SLC71A1: variants seen among roughly 807,000 people sequenced by gnomAD.
SLC71A1 encodes the protein hippocampus abundant gene transcript 1.
the SLC71A1 span, among the ~76,000 whole-genome samples, chr1:100,057,217 G>C: frequency 2.6e-5 from 4 of 152,210 alleles, no homozygotes; most frequent in African/African-American, 9.6e-5. Flanking sequence ...TGTGCTTGTG[G>C]AGTATTATCA....
the SLC71A1 span, among the ~76,000 whole-genome samples, chr1:100,060,977 G>C: frequency 2.6e-5 from 4 of 152,058 alleles, no homozygotes; most frequent in Non-Finnish European, 5.9e-5. Flanking sequence ...TCTTCTTCTT[G>C]TAGATGAGAT....
chr1:100,046,837 T>A, the SLC71A1 span, among the ~76,000 whole-genome samples: 1 of 152,246 alleles, frequency 6.6e-6, no homozygotes, highest in Non-Finnish European at 1.5e-5. Context: ...CTGTAGCTAT[T>A]GTAAGTGGGA....
At chr1:100,043,285 T>C in the SLC71A1 span, 1 of 651,060 alleles carries the variant, frequency 1.5e-6, no homozygotes, top group Non-Finnish European at 1.9e-6. Context: ...GGAACTCTGA[T>C]TGTCTTTTAG....
the SLC71A1 span, chr1:100,081,949 C>T: frequency 7.3e-7 from 1 of 1,365,800 alleles, no homozygotes; most frequent in Non-Finnish European, 1.0e-6. Context: ...TGTAGTTTCT[C>T]CTTATGAGTA....
the SLC71A1 span, among the ~76,000 whole-genome samples, chr1:100,041,170 T>C: frequency 7.1e-4 from 108 of 152,360 alleles, 1 homozygote; most frequent in African/African-American, 2.5e-3. Flanking sequence ...TTTGTAGTTT[T>C]CAACGGCTGA....
At chr1:100,042,798 C>T in the SLC71A1 span, among the ~76,000 whole-genome samples, 53 of 151,976 alleles carry the variant, frequency 3.5e-4, no homozygotes, top group African/African-American at 1.2e-3. Context: ...TTAGTAGAGA[C>T]CGGATTTTAC....
At chr1:100,049,804 T>C in the SLC71A1 span, 7 of 639,706 alleles carry the variant, frequency 1.1e-5, no homozygotes, top group Admixed American at 1.1e-4. Flanking sequence ...CCAGTACATA[T>C]ATGATCTTAA....
the SLC71A1 span, chr1:100,038,263 G>A: frequency 5.8e-6 from 9 of 1,560,878 alleles, no homozygotes; most frequent in Admixed American, 3.8e-5. Context: ...GAAACGGGCC[G>A]CGAACCGCAG....
chr1:100,050,968 C>T, the SLC71A1 span, among the ~76,000 whole-genome samples: 1 of 151,792 alleles, frequency 6.6e-6, no homozygotes, highest in Non-Finnish European at 1.5e-5. Flanking sequence ...GTTTGTAGTC[C>T]CAGCTACTCG....
the SLC71A1 span, among the ~76,000 whole-genome samples, chr1:100,081,788 A>T: frequency 6.6e-6 from 1 of 152,228 alleles, no homozygotes. Flanking sequence ...ATATTTTCGC[A>T]TAGGCTGTTT....
At chr1:100,038,125 G>A in the SLC71A1 span, 4 of 959,266 alleles carry the variant, frequency 4.2e-6, no homozygotes, top group Non-Finnish European at 3.2e-6. Context: ...AGATGGCGGC[G>A]GGCGCCCAGA....
the SLC71A1 span, chr1:100,038,365 T>G: frequency 6.8e-7 from 1 of 1,471,516 alleles, no homozygotes; most frequent in Non-Finnish European, 9.3e-7. Flanking sequence ...CCCCATCCGG[T>G]CTCTCCTTCA....
At chr1:100,069,168 A>G in the SLC71A1 span, among the ~76,000 whole-genome samples, 1 of 152,116 alleles carries the variant, frequency 6.6e-6, no homozygotes, top group African/African-American at 2.4e-5. Flanking sequence ...TTTGTTGGCT[A>G]TAGAATTGAT....
At chr1:100,075,610 TAACCCTAATTAG>T in the SLC71A1 span, among the ~76,000 whole-genome samples, 1 of 152,214 alleles carries the variant, frequency 6.6e-6, no homozygotes, top group South Asian at 2.1e-4. Context: ...TAATTATTTC[TAACCCTAATTAG>T]AATCCTAATC....
the SLC71A1 span, among the ~76,000 whole-genome samples, chr1:100,054,379 A>AT: frequency 6.6e-6 from 1 of 151,838 alleles, no homozygotes; most frequent in African/African-American, 2.4e-5. Flanking sequence ...TGCCTGGCTA[A>AT]TTTTTTTATT....
chr1:100,077,328 T>A, the SLC71A1 span: 1 of 947,624 alleles, frequency 1.1e-6, no homozygotes. Flanking sequence ...TGTTAGCCCT[T>A]GTGTTTTTAT....
chr1:100,074,770 G>A, the SLC71A1 span, among the ~76,000 whole-genome samples: 1 of 152,230 alleles, frequency 6.6e-6, no homozygotes, highest in African/African-American at 2.4e-5. Flanking sequence ...AGCTACTCGG[G>A]AGGCTGAGGC....
the SLC71A1 span, among the ~76,000 whole-genome samples, chr1:100,048,124 C>T: frequency 2.6e-5 from 4 of 151,816 alleles, no homozygotes; most frequent in Admixed American, 6.6e-5. Flanking sequence ...CTGCTAGGGG[C>T]TGGGTATATG....
At chr1:100,069,254 A>G in the SLC71A1 span, among the ~76,000 whole-genome samples, 1 of 152,236 alleles carries the variant, frequency 6.6e-6, no homozygotes, top group East Asian at 1.9e-4. Flanking sequence ...GCTAGCCAAA[A>G]TGAGAGCAAA....
Sources: gnomAD v4.1 joint callset for allele counts (sites outside exome capture counted in the v4.1 genomes callset) on GRCh38, gnomAD v4.1.1 for gene constraint, MANE v1.5 for transcripts, NCBI Gene and HGNC (gene_info 2026-07-23, HGNC 2026-07-21) for gene names.